The following GABRB1 variants were observed in gnomAD, a reference collection of about 807,000 sequenced individuals.
GABRB1 encodes gamma-aminobutyric acid type A receptor subunit beta1.
Under a neutral mutation model 51.6 loss-of-function variants are expected in GABRB1, and 17 were observed. That is an observed-to-expected ratio of 0.33 (90% confidence interval 0.23 to 0.49). GABRB1 has a LOEUF of 0.49. GABRB1 is among the 20% of genes least tolerant of loss of function. The pLI is 0.99. For synonymous variants in GABRB1, 247 were observed against 218.9 expected (o/e 1.13, Z -1.14); for missense variants, 410 against 600.6 (o/e 0.68, Z 3.32).
At chr4:47,023,233 G>GA (rs976754526) in intron 1 of GABRB1, among the ~76,000 whole-genome samples, 29 of 151,970 alleles carry the variant, frequency 1.9e-4, no homozygotes, top group African/African-American at 7.0e-4. Context: ...TACAAAAACA[G>GA]AAAAAATGAT....
At chr4:47,153,768 TCAGAA>T (rs1189968792) in intron 3 of GABRB1, among the ~76,000 whole-genome samples, 1 of 152,048 alleles carries the variant, frequency 6.6e-6, no homozygotes, top group Non-Finnish European at 1.5e-5. Context: ...TCAAAATTTT[TCAGAA>T]CACAAGACTA....
rs144617061 is a variant in GABRB1, at chr4:47,145,595, A to G, written c.241-15654A>G. ...CAGGAATTTATCTTTTATCTTGTGG[A>G]AGAAAGGAACACGACATAGCATGTC... On this transcript the variant is annotated intron_variant, in intron 3 of 8. Coordinates refer to ENST00000295454, the MANE Select transcript of GABRB1 (RefSeq NM_000812.4). Among the ~76,000 whole-genome samples the G allele has an allele frequency of 1.7e-3, 259 of 152,170 alleles. 1 individual carries two copies. Among genetic ancestry groups the G allele is most frequent in the African/African-American group, 5.8e-3 (243 of 41,558 alleles).
chr4:47,376,064 G>C (rs1355599847), intron 5 of GABRB1, among the ~76,000 whole-genome samples: 3 of 152,100 alleles, frequency 2.0e-5, no homozygotes, highest in Non-Finnish European at 4.4e-5. Context: ...TTCTGTCCTG[G>C]AACCAAAACT....
chr4:47,140,110 A>G, intron 3 of GABRB1, among the ~76,000 whole-genome samples: 1 of 147,974 alleles, frequency 6.8e-6, no homozygotes, highest in East Asian at 2.0e-4. Context: ...ACACACACAC[A>G]CACACACACA....
At chr4:47,250,667 A>G (rs1325355616) in intron 4 of GABRB1, among the ~76,000 whole-genome samples, 1 of 151,860 alleles carries the variant, frequency 6.6e-6, no homozygotes, top group Non-Finnish European at 1.5e-5. Context: ...TTTTCTCTTT[A>G]TCTTTGTTGG....
At chr4:47,384,531 A>G (rs1727717068) in intron 5 of GABRB1, among the ~76,000 whole-genome samples, 1 of 152,156 alleles carries the variant, frequency 6.6e-6, no homozygotes, top group South Asian at 2.1e-4. Context: ...CTTCAAACCA[A>G]AAATACCATA....
At chr4:47,400,377 C>G (rs186959526) in intron 5 of GABRB1, among the ~76,000 whole-genome samples, 68 of 152,252 alleles carry the variant, frequency 4.5e-4, no homozygotes, top group Non-Finnish European at 8.2e-4. Context: ...TGTTTTCCTT[C>G]TCTAGGGCTA....
intron 4 of GABRB1, among the ~76,000 whole-genome samples, chr4:47,233,000 G>C (rs1356385460): frequency 6.6e-6 from 1 of 151,756 alleles, no homozygotes; most frequent in Non-Finnish European, 1.5e-5. Context: ...TCAGCCTCCG[G>C]AGTAGCTGGG....
At chr4:47,116,797 TCA>T (rs2109639618) in intron 3 of GABRB1, among the ~76,000 whole-genome samples, 1 of 152,268 alleles carries the variant, frequency 6.6e-6, no homozygotes, top group South Asian at 2.1e-4. Flanking sequence ...TTTAATTGAC[TCA>T]CAGTTCCACA....
intron 1 of GABRB1, among the ~76,000 whole-genome samples, chr4:47,022,986 T>A (rs552422420): frequency 6.6e-6 from 1 of 152,134 alleles, no homozygotes; most frequent in South Asian, 2.1e-4. Context: ...AGAGTACTAT[T>A]CAGCCATAAA....
intron 4 of GABRB1, among the ~76,000 whole-genome samples, chr4:47,249,094 G>C (rs762691818): frequency 6.6e-6 from 1 of 151,982 alleles, no homozygotes; most frequent in African/African-American, 2.4e-5. Context: ...CTTGAGGTGT[G>C]AATTTAGAAT....
At chr4:47,192,880 T>C (rs1170606468) in intron 4 of GABRB1, among the ~76,000 whole-genome samples, 1 of 152,194 alleles carries the variant, frequency 6.6e-6, no homozygotes, top group African/African-American at 2.4e-5. Context: ...TTCATAACAA[T>C]AATATGTTTG....
intron 8 of GABRB1, among the ~76,000 whole-genome samples, chr4:47,409,897 G>A (rs1728704690): frequency 6.6e-6 from 1 of 152,232 alleles, no homozygotes; most frequent in African/African-American, 2.4e-5. Flanking sequence ...AAGGCAGGAG[G>A]AAAGCCTATG....
chr4:47,015,588 C>T (rs1724718592), intron 1 of GABRB1, among the ~76,000 whole-genome samples: 1 of 152,126 alleles, frequency 6.6e-6, no homozygotes, highest in South Asian at 2.1e-4. Flanking sequence ...GAGAGCTCAG[C>T]ATAAAGGCTT....
intron 1 of GABRB1, among the ~76,000 whole-genome samples, chr4:47,025,068 T>C (rs1355862890): frequency 3.3e-5 from 5 of 149,952 alleles, no homozygotes; most frequent in African/African-American, 1.2e-4. Context: ...AATCCATATA[T>C]ATAGCATATA....
chr4:47,216,768 G>A lies in GABRB1; in HGVS notation c.461+55299G>A, dbSNP rs996021730. On this transcript the variant is annotated intron_variant, in intron 4 of 8. Transcript: ENST00000295454. Reference sequence around the variant, plus strand: ...TGCAATAAGATCTTGCATGCATAGCGAAGTGGTACAGCCATTTTGATAAAA... The same window carrying A: ...TGCAATAAGATCTTGCATGCATAGCAAAGTGGTACAGCCATTTTGATAAAA... 2.6e-5 allele frequency among the ~76,000 whole-genome samples: 4 copies of A among 151,874 alleles called. No homozygotes were observed. The East Asian group carries it at 5.8e-4, about 22-fold the overall frequency.
At chr4:47,302,138 T>C (rs1337190853) in intron 4 of GABRB1, among the ~76,000 whole-genome samples, 1 of 152,170 alleles carries the variant, frequency 6.6e-6, no homozygotes, top group Non-Finnish European at 1.5e-5. Context: ...TCCTCTGATA[T>C]ACTAAGATTT....
intron 3 of GABRB1, among the ~76,000 whole-genome samples, chr4:47,161,020 T>C (rs920722118): frequency 1.3e-5 from 2 of 151,920 alleles, no homozygotes. Context: ...CTTGAACTCC[T>C]GGGCTCAAGG....
At chr4:47,152,823 A>T (rs1234470030) in intron 3 of GABRB1, among the ~76,000 whole-genome samples, 3 of 152,048 alleles carry the variant, frequency 2.0e-5, no homozygotes, top group Non-Finnish European at 4.4e-5. Context: ...TTAAAAGGTC[A>T]CCAAGTGCTG....
Sources: gnomAD v4.1 joint callset for allele counts (sites outside exome capture counted in the v4.1 genomes callset) on GRCh38, gnomAD v4.1.1 for gene constraint, MANE v1.5 for transcripts, NCBI Gene and HGNC (gene_info 2026-07-23, HGNC 2026-07-21) for gene names.